The following CNOT6 variants were observed in gnomAD, a reference collection of about 807,000 sequenced individuals.
CNOT6 encodes carbon catabolite repression 4 protein.
CNOT6 carries 12 observed loss-of-function variants against 61.2 expected under a neutral mutation model. The observed-to-expected ratio is 0.20, with a 90% CI of 0.13 to 0.32. The LOEUF (loss-of-function observed/expected upper bound fraction) is 0.32. Among genes scored for constraint, CNOT6 ranks in the 10% least tolerant of loss-of-function variants. The probability of loss-of-function intolerance (pLI) is 1.00; values close to 1 mark genes in which losing one functional copy is unlikely to be tolerated. For synonymous variants in CNOT6, 225 were observed against 240.6 expected (o/e 0.94, Z 0.60); for missense variants, 405 against 663.9 (o/e 0.61, Z 4.28).
At chr5:180,562,696 T>G (rs1760248173) in intron 4 of CNOT6, among the ~76,000 whole-genome samples, 2 of 151,758 alleles carry the variant, frequency 1.3e-5, no homozygotes, top group African/African-American at 4.8e-5. Flanking sequence ...GCCGAGATGG[T>G]GCCACTGCAC....
chr5:180,495,272 G>C (rs1033015221), intron 1 of CNOT6: 6 of 152,266 alleles, frequency 3.9e-5, no homozygotes, highest in African/African-American at 1.4e-4. Flanking sequence ...TTGAGGGAGA[G>C]GACGGGGTGG....
At chr5:180,510,317 T>A (rs1757334982) in intron 1 of CNOT6, among the ~76,000 whole-genome samples, 1 of 151,832 alleles carries the variant, frequency 6.6e-6, no homozygotes, top group South Asian at 2.1e-4. Context: ...ATCCGTAAAC[T>A]TTTAACTGGC....
chr5:180,511,317 A>C (rs188990375), intron 1 of CNOT6, among the ~76,000 whole-genome samples: 231 of 152,058 alleles, frequency 1.5e-3, no homozygotes, highest in African/African-American at 5.2e-3. Flanking sequence ...GTCTCTACAA[A>C]ATACAAAAAA....
chr5:180,562,318 C>T (rs541529609), intron 4 of CNOT6, among the ~76,000 whole-genome samples: 1 of 152,280 alleles, frequency 6.6e-6, no homozygotes, highest in African/African-American at 2.4e-5. Flanking sequence ...AAAGTAACTT[C>T]TCATTTACTT....
chr5:180,532,779 CCT>C (rs1267890169), intron 2 of CNOT6, among the ~76,000 whole-genome samples: 5 of 152,186 alleles, frequency 3.3e-5, no homozygotes, highest in Non-Finnish European at 7.3e-5. Context: ...CCCACGACCC[CCT>C]CTTTGGGTTC....
At position 180,578,029 on chromosome 5, in the gene CNOT6, T is replaced by C. The variant is rs981043597; in HGVS notation, c.*3829T>C. On this transcript the variant is annotated 3_prime_UTR_variant, in exon 12 of 12. Transcript: ENST00000261951. ...CTGAGGTTTGAGGAAAAATAAATGT[T>C]GATCAGCAGACCACGTATTTAAAAT... The C allele has an allele frequency of 1.2e-4, 19 of 152,658 alleles. No homozygotes were observed. Among genetic ancestry groups the C allele is most frequent in the African/African-American group, 4.6e-4 (19 of 41,452 alleles). 9.5% of individuals were successfully genotyped at this position (152,658 alleles called of 1,614,324 possible).
intron 2 of CNOT6, among the ~76,000 whole-genome samples, chr5:180,533,334 AT>A (rs1230456800): frequency 1.0e-5 from 1 of 100,110 alleles, no homozygotes; most frequent in African/African-American, 3.4e-5. Context: ...ATATATATAT[AT>A]ATATATATCA....
In CNOT6 at chr5:180,574,102, CT is replaced by C. The variant is rs1760904087; in HGVS notation, c.1577del (p.Leu526ProfsTer48). 2 of 1,614,034 alleles carry C rather than the reference CT, an allele frequency of 1.2e-6. No homozygotes were observed. The highest frequency in any genetic ancestry group is 1.7e-6 in the Non-Finnish European group (2 of 1,180,014). On this transcript the variant is annotated frameshift_variant, in exon 12 of 12. Coordinates refer to ENST00000261951, the MANE Select transcript of CNOT6 (RefSeq NM_001370472.1). LOFTEE classifies it high-confidence loss of function. ...ENNISGCPHP[L>X]IPSDHFSLFA... ...TAACATCAGTGGCTGCCCGCACCCCCTCATCCCCTCTGACCACTTCTCACTT... is the reference window on the plus strand; with the variant it reads ...TAACATCAGTGGCTGCCCGCACCCCCCATCCCCTCTGACCACTTCTCACTT...
intron 1 of CNOT6, among the ~76,000 whole-genome samples, chr5:180,496,595 G>T (rs543897883): frequency 6.6e-6 from 1 of 152,122 alleles, no homozygotes; most frequent in East Asian, 1.9e-4. Context: ...CCAGCGCTTT[G>T]GGAGGTTGAG....
chr5:180,547,507 G>A (rs144609100), intron 2 of CNOT6, among the ~76,000 whole-genome samples: 94 of 152,006 alleles, frequency 6.2e-4, no homozygotes, highest in African/African-American at 2.2e-3. Context: ...GCAACAGAGC[G>A]AGACTCCATG....
rs570410501 is a variant in CNOT6 at position 180,525,975 on chromosome 5, C to CA, written c.-2-3299dup. Among the ~76,000 whole-genome samples, 412 of 152,232 alleles carry CA rather than the reference C, an allele frequency of 2.7e-3. 1 individual carries two copies. The highest frequency in any genetic ancestry group is 9.5e-3 in the African/African-American group (395 of 41,520). On this transcript the variant is annotated intron_variant, in intron 1 of 11. Transcript: ENST00000261951. ...AGAGACAGGGTTGTGCTTTGTTACT[C>CA]AGAGTGGAGTGCAGTGGCATGATCA...
At chr5:180,513,673 T>TTTTATTTATTTA (rs137914888) in intron 1 of CNOT6, among the ~76,000 whole-genome samples, 6 of 146,920 alleles carry the variant, frequency 4.1e-5, no homozygotes, top group Admixed American at 6.8e-5. Context: ...TGCCTGGCCC[T>TTTTATTTATTTA]TTTATTTATT....
chr5:180,545,997 C>T (rs1043755204), intron 2 of CNOT6, among the ~76,000 whole-genome samples: 1 of 151,992 alleles, frequency 6.6e-6, no homozygotes, highest in African/African-American at 2.4e-5. Context: ...ATCTTTCACT[C>T]GGTTTGAAAA....
chr5:180,573,552 AGTGTGTGTGTGTGTGTGTGTGTGTGT>A (rs755954581), intron 11 of CNOT6, among the ~76,000 whole-genome samples: 1 of 119,164 alleles, frequency 8.4e-6, no homozygotes, highest in Non-Finnish European at 1.7e-5. Flanking sequence ...GGAGGGGGGC[AGTGTGTGTGTGTGTGTGTGTGTGTGT>A]GTGTGTGTGT....
chr5:180,543,169 C>T (rs921251534), intron 2 of CNOT6, among the ~76,000 whole-genome samples: 1 of 152,170 alleles, frequency 6.6e-6, no homozygotes, highest in Admixed American at 6.5e-5. Flanking sequence ...CACCATTCTC[C>T]TGCCTCAGCC....
chr5:180,569,053 A>G lies in CNOT6; in HGVS notation c.1028-57A>G. The G allele has an allele frequency of 4.7e-6, 6 of 1,274,690 alleles. No individual in the cohort carries two copies. The South Asian group carries it at 5.2e-5, about 11-fold the overall frequency. The allele number at this position is 1,274,690 out of a possible 1,614,324, so 79.0% of individuals were successfully genotyped here. On this transcript the variant is annotated intron_variant, in intron 9 of 11. Coordinates refer to ENST00000261951, the MANE Select transcript of CNOT6 (RefSeq NM_001370472.1). ...ATTTGCTTTCAGACGCTGTAAGAAT[A>G]TATGGGCTGATGGGCGGGTTTTGTC...
At chr5:180,554,885 G>GT (rs1403540849) in intron 4 of CNOT6, among the ~76,000 whole-genome samples, 1 of 151,954 alleles carries the variant, frequency 6.6e-6, no homozygotes, top group African/African-American at 2.4e-5. Context: ...GCGGAGGTAT[G>GT]TTTTTCCAAT....
At chr5:180,511,875 G>T (rs764153797) in intron 1 of CNOT6, among the ~76,000 whole-genome samples, 22 of 152,208 alleles carry the variant, frequency 1.4e-4, no homozygotes, top group Non-Finnish European at 2.8e-4. Flanking sequence ...TCCCACCTCA[G>T]CCTGCTGAGT....
At chr5:180,514,406 A>G (rs1171853920) in intron 1 of CNOT6, among the ~76,000 whole-genome samples, 1 of 152,218 alleles carries the variant, frequency 6.6e-6, no homozygotes, top group Non-Finnish European at 1.5e-5. Flanking sequence ...TAGGCGAAAG[A>G]GCGAAACTCC....
Sources: allele counts gnomAD v4.1 joint callset (sites outside exome capture counted in the v4.1 genomes callset), GRCh38; gene constraint gnomAD v4.1.1; transcripts MANE v1.5; gene names NCBI Gene and HGNC (gene_info 2026-07-23, HGNC 2026-07-21).